The following PLCE1 variants were observed in gnomAD, a reference collection of about 807,000 sequenced individuals.
PLCE1 encodes phospholipase C epsilon 1.
A neutral mutation model predicts 242.8 loss-of-function variants in PLCE1; 119 were observed. The observed-to-expected ratio is 0.49, with a 90% CI of 0.42 to 0.57. The LOEUF (loss-of-function observed/expected upper bound fraction) is 0.57, where lower values mean the gene tolerates loss of function less well. PLCE1 is among the 20% of genes least tolerant of loss of function. PLCE1 has a pLI of 0.00. For synonymous variants in PLCE1, 945 were observed against 1,017.4 expected (o/e 0.93, Z 1.35); for missense variants, 2,441 against 2,788.8 (o/e 0.88, Z 2.81).
chr10:94,248,688 T>C (rs1227023614), intron 8 of PLCE1, among the ~76,000 whole-genome samples: 1 of 151,704 alleles, frequency 6.6e-6, no homozygotes. Flanking sequence ...AAAAAAGTCT[T>C]CAGGAGCTAT....
chr10:94,022,596 A>G (rs1484263748), intron 1 of PLCE1, among the ~76,000 whole-genome samples: 1 of 152,092 alleles, frequency 6.6e-6, no homozygotes, highest in Non-Finnish European at 1.5e-5. Flanking sequence ...CAGAATTGAT[A>G]TATTGATTTA....
intron 7 of PLCE1, among the ~76,000 whole-genome samples, chr10:94,238,146 C>A (rs779470233): frequency 2.0e-5 from 3 of 152,200 alleles, no homozygotes; most frequent in South Asian, 4.1e-4. Context: ...TTTTGCTGGG[C>A]CCGGTGGCTT....
chr10:94,284,885 A>G lies in PLCE1; in HGVS notation c.4955A>G (p.Asp1652Gly). The change falls in exon 22 of 33, where the codon GAT (aspartate) becomes GGT (glycine). Residue 1652 changes from aspartate to glycine, a missense_variant. By Grantham distance (94) the Asp-to-Gly change is moderately conservative. Around this residue, in one of 5 missense-constraint regions of PLCE1, gnomAD observed 1,004 missense variants for 1,322.7 expected, o/e 0.76. Coordinates refer to ENST00000371380, the MANE Select transcript of PLCE1 (RefSeq NM_016341.4). ...GAACTGGGAGAAGAATTTTATCTTG[A>G]TCAGAATAAAAAGGAAAGCAGACAG... ...DMELGEEFYL[D>G]QNKKESRQIA... 1 of 1,610,296 alleles carries G rather than the reference A, an allele frequency of 6.2e-7. No individual in the cohort carries two copies. Among genetic ancestry groups the G allele is most frequent in the South Asian group, 1.1e-5 (1 of 90,998 alleles).
intron 14 of PLCE1, among the ~76,000 whole-genome samples, chr10:94,263,719 G>A (rs1456006974): frequency 6.6e-6 from 1 of 151,756 alleles, no homozygotes; most frequent in Non-Finnish European, 1.5e-5. Context: ...AAACAAGTAT[G>A]TAAGTGTTCT....
At chr10:94,191,706 A>G (rs1279470498) in intron 4 of PLCE1, among the ~76,000 whole-genome samples, 1 of 152,218 alleles carries the variant, frequency 6.6e-6, no homozygotes, top group African/African-American at 2.4e-5. Flanking sequence ...GACTTCCAAG[A>G]TGGTCAAGAC....
rs557731475 is a variant in PLCE1 at position 94,107,238 on chromosome 10, A to G, written c.1207-24936A>G. 5 of 152,370 alleles carry G rather than the reference A, an allele frequency of 3.3e-5. 1 individual carries two copies. The highest frequency in any genetic ancestry group is 1.2e-4 in the African/African-American group (5 of 41,536). 9.4% of individuals were successfully genotyped at this position (152,370 alleles called of 1,614,324 possible). A position where few individuals can be genotyped will look rare whatever the true frequency, so the allele number is the denominator to read the frequency against. On this transcript the variant is annotated intron_variant, in intron 2 of 32. Coordinates refer to ENST00000371380, the MANE Select transcript of PLCE1 (RefSeq NM_016341.4). ...GTGATTAAGAAAGGAACAAAGAGTT[A>G]CAAAGGAAAGCAAAACTGGAGAAGA...
intron 4 of PLCE1, among the ~76,000 whole-genome samples, chr10:94,176,861 G>A (rs1476112110): frequency 6.6e-6 from 1 of 152,172 alleles, no homozygotes; most frequent in Admixed American, 6.5e-5. Flanking sequence ...GAAGGCTGGG[G>A]TGTCCAGGTG....
At chr10:94,260,374 T>C (rs2051254626) in intron 13 of PLCE1, among the ~76,000 whole-genome samples, 2 of 152,158 alleles carry the variant, frequency 1.3e-5, no homozygotes, top group African/African-American at 4.8e-5. Flanking sequence ...TTCTAACCAC[T>C]TATGCATTTC....
chr10:94,166,597 T>C, intron 3 of PLCE1, among the ~76,000 whole-genome samples: 1 of 148,598 alleles, frequency 6.7e-6, no homozygotes, highest in African/African-American at 2.6e-5. Flanking sequence ...TGTGTGTGTG[T>C]GTGTGTGTGT....
At chr10:94,305,447 C>G (rs2053168857) in intron 25 of PLCE1, among the ~76,000 whole-genome samples, 1 of 152,016 alleles carries the variant, frequency 6.6e-6, no homozygotes, top group African/African-American at 2.4e-5. Flanking sequence ...CAAAACAAAA[C>G]AACAACAGAG....
intron 4 of PLCE1, among the ~76,000 whole-genome samples, chr10:94,201,719 T>C (rs1477594106): frequency 6.6e-6 from 1 of 152,198 alleles, no homozygotes; most frequent in African/African-American, 2.4e-5. Context: ...GACCTCGTGA[T>C]CCACCTGCCT....
intron 22 of PLCE1, among the ~76,000 whole-genome samples, chr10:94,288,780 A>G (rs536900919): frequency 6.6e-6 from 1 of 152,328 alleles, no homozygotes; most frequent in East Asian, 1.9e-4. Flanking sequence ...AAGGAGCCAC[A>G]TGGGGAGAGC....
chr10:94,083,211 A>G (rs2044704160), intron 2 of PLCE1, among the ~76,000 whole-genome samples: 1 of 152,176 alleles, frequency 6.6e-6, no homozygotes, highest in East Asian at 1.9e-4. Flanking sequence ...ATGTTCCGTA[A>G]TTGCTTTGTG....
At chr10:94,140,954 A>G (rs112333102) in intron 3 of PLCE1, among the ~76,000 whole-genome samples, 8 of 152,378 alleles carry the variant, frequency 5.3e-5, no homozygotes, top group African/African-American at 1.7e-4. Flanking sequence ...GCCTAGTGCT[A>G]TGGCACCTAA....
intron 4 of PLCE1, among the ~76,000 whole-genome samples, chr10:94,181,634 C>A (rs1453598932): frequency 6.6e-6 from 1 of 151,978 alleles, no homozygotes; most frequent in Non-Finnish European, 1.5e-5. Flanking sequence ...GAAGGCCAGG[C>A]ATAGTGGCTC....
chr10:94,219,798 C>T (rs747237746), intron 4 of PLCE1, among the ~76,000 whole-genome samples: 1 of 152,004 alleles, frequency 6.6e-6, no homozygotes, highest in Non-Finnish European at 1.5e-5. Flanking sequence ...ATACTGGAGA[C>T]GTAAATTTAG....
At chr10:94,208,466 G>C (rs528599748) in intron 4 of PLCE1, among the ~76,000 whole-genome samples, 3 of 152,346 alleles carry the variant, frequency 2.0e-5, no homozygotes, top group East Asian at 3.9e-4. Context: ...AAAACAAAAT[G>C]CAAAGTGTGG....
chr10:94,057,238 T>TA (rs1379310765), intron 2 of PLCE1, among the ~76,000 whole-genome samples: 1 of 152,158 alleles, frequency 6.6e-6, no homozygotes, highest in Non-Finnish European at 1.5e-5. Flanking sequence ...CAACAATTTT[T>TA]AAAAAATGGC....
intron 5 of PLCE1, among the ~76,000 whole-genome samples, chr10:94,232,423 C>T (rs1009039507): frequency 1.2e-4 from 18 of 152,128 alleles, no homozygotes; most frequent in African/African-American, 4.3e-4. Flanking sequence ...TTCCCTGCAA[C>T]TGGGTGTCTG....
Sources: allele counts gnomAD v4.1 joint callset (sites outside exome capture counted in the v4.1 genomes callset), GRCh38; gene constraint gnomAD v4.1.1; regional missense constraint gnomAD v4.1.1; transcripts MANE v1.5; gene names NCBI Gene and HGNC (gene_info 2026-07-23, HGNC 2026-07-21).